JAM3: variants seen among roughly 807,000 people sequenced by gnomAD.
JAM3 encodes junctional adhesion molecule 3.
In JAM3, 31 loss-of-function variants were observed where a neutral mutation model predicts 39.4. That is an observed-to-expected ratio of 0.79 (90% confidence interval 0.59 to 1.06). JAM3 has a LOEUF of 1.06. Among genes scored for constraint, JAM3 ranks in the 50% least tolerant of loss-of-function variants. The pLI, the probability that JAM3 is intolerant of heterozygous loss-of-function variation, is 0.00. For synonymous variants in JAM3, 182 were observed against 148.7 expected (o/e 1.22, Z -1.63); for missense variants, 455 against 391.4 (o/e 1.16, Z -1.37).
At position 134,144,818 on chromosome 11, in the gene JAM3, G is replaced by T; in HGVS notation, c.436G>T (p.Val146Leu). The change falls in exon 5 of 9, where the codon GTG (valine) becomes TTG (leucine). Residue 146 changes from valine to leucine, a missense_variant. Physicochemically the swap from Val to Leu is conservative, Grantham distance 32 (BLOSUM62 1). Coordinates refer to ENST00000299106, the MANE Select transcript of JAM3 (RefSeq NM_032801.5). ...QVKPVTPVCRVPKAVPVGKMA... is the reference protein window; with the variant it reads ...QVKPVTPVCRLPKAVPVGKMA... ...GAAGCCAGTGACCCCTGTCTGTAGAGTGCCGAAGGCTGTACCAGTAGGCAA... is the reference window on the plus strand; with the variant it reads ...GAAGCCAGTGACCCCTGTCTGTAGATTGCCGAAGGCTGTACCAGTAGGCAA... The T allele has an allele frequency of 6.2e-7, 1 of 1,614,144 alleles. No homozygotes were observed. The highest frequency in any genetic ancestry group is 8.5e-7 in the Non-Finnish European group (1 of 1,180,016).
intron 1 of JAM3, among the ~76,000 whole-genome samples, chr11:134,092,041 CTCTT>C (rs1238973531): frequency 2.0e-5 from 3 of 152,088 alleles, no homozygotes; most frequent in Non-Finnish European, 4.4e-5. Context: ...AAGTATACTA[CTCTT>C]TTCATCCCCT....
chr11:134,101,424 G>T (rs1055694496), intron 1 of JAM3, among the ~76,000 whole-genome samples: 22 of 152,198 alleles, frequency 1.4e-4, no homozygotes, highest in Non-Finnish European at 2.6e-4. Context: ...AAAGAAGTGA[G>T]ATGAGAACTG....
intron 1 of JAM3, among the ~76,000 whole-genome samples, chr11:134,103,877 A>G (rs1942127729): frequency 6.6e-6 from 1 of 152,222 alleles, no homozygotes; most frequent in Non-Finnish European, 1.5e-5. Flanking sequence ...TTAGGGACCT[A>G]CAAAGAGACT....
rs142506025 is a variant in JAM3, at chr11:134,111,070, G to C, written c.77-28781G>C. On this transcript the variant is annotated intron_variant, in intron 1 of 8. Transcript: ENST00000299106. ...ATATGAATCCTTGAATTAATTCTTTGTTCTCACTCTACCTTTCCTATGTCT... is the reference window on the plus strand; with the variant it reads ...ATATGAATCCTTGAATTAATTCTTTCTTCTCACTCTACCTTTCCTATGTCT... Among the ~76,000 whole-genome samples the C allele has an allele frequency of 3.1e-4, 43 of 139,736 alleles. No homozygotes were observed. In the East Asian group the frequency reaches 6.9e-3, roughly 22 times the overall value. The allele number at this position is 139,736 out of a possible 152,430, so 91.7% of individuals were successfully genotyped here.
intron 1 of JAM3, among the ~76,000 whole-genome samples, chr11:134,074,945 C>T (rs562960086): frequency 3.3e-5 from 5 of 151,222 alleles, no homozygotes; most frequent in African/African-American, 9.7e-5. Flanking sequence ...AGTGCAGCTG[C>T]CTGGAAGCTT....
intron 1 of JAM3, among the ~76,000 whole-genome samples, chr11:134,100,023 CT>C (rs1255227530): frequency 6.6e-6 from 1 of 152,196 alleles, no homozygotes; most frequent in Non-Finnish European, 1.5e-5. Context: ...TCACTTCTGA[CT>C]TTAATGTTAG....
rs957884837 is a variant in JAM3 at position 134,149,631 on chromosome 11, C to G, written c.*450C>G. 2.2e-6 allele frequency: 1 copy of G among 460,546 alleles called. No individual in the cohort carries two copies. Among genetic ancestry groups the G allele is most frequent in the Admixed American group, 2.3e-5 (1 of 42,676 alleles). 28.5% of individuals were successfully genotyped at this position (460,546 alleles called of 1,614,324 possible). ...CATCCCGGCGGGAACCCAGAAAAGGCTTCTTACACAGCAGCCTTACTTCAT... is the reference window on the plus strand; with the variant it reads ...CATCCCGGCGGGAACCCAGAAAAGGGTTCTTACACAGCAGCCTTACTTCAT... On this transcript the variant is annotated 3_prime_UTR_variant, in exon 9 of 9. Transcript: ENST00000299106.
chr11:134,119,902 C>G (rs1555117178), intron 1 of JAM3, among the ~76,000 whole-genome samples: 1 of 152,130 alleles, frequency 6.6e-6, no homozygotes, highest in Non-Finnish European at 1.5e-5. Flanking sequence ...TTTAGTTAAG[C>G]CAGGTCACAA....
chr11:134,113,956 T>C (rs1942370644), intron 1 of JAM3, among the ~76,000 whole-genome samples: 1 of 152,224 alleles, frequency 6.6e-6, no homozygotes, highest in Admixed American at 6.5e-5. Flanking sequence ...ATGATGAGCA[T>C]TTCTTCATGT....
At chr11:134,104,390 C>T (rs1437489656) in intron 1 of JAM3, among the ~76,000 whole-genome samples, 5 of 151,984 alleles carry the variant, frequency 3.3e-5, no homozygotes, top group African/African-American at 1.2e-4. Flanking sequence ...CACTAAATGC[C>T]CACAAGAGAA....
rs1429540844 is a variant in JAM3, at chr11:134,151,544, G to A, written c.*2363G>A. ...GTAGAGAGAAGTGAAAGTAGAGTCT[G>A]GGAAGTAGCTGCCTATAACTGAGAC... On this transcript the variant is annotated 3_prime_UTR_variant, in exon 9 of 9. Coordinates refer to ENST00000299106, the MANE Select transcript of JAM3 (RefSeq NM_032801.5). 2.6e-5 allele frequency: 4 copies of A among 152,210 alleles called. No individual in the cohort carries two copies. The highest frequency in any genetic ancestry group is 7.2e-5 in the African/African-American group (3 of 41,444). 9.4% of individuals were successfully genotyped at this position (152,210 alleles called of 1,614,324 possible).
chr11:134,075,734 CT>C (rs1327196717), intron 1 of JAM3, among the ~76,000 whole-genome samples: 1 of 152,108 alleles, frequency 6.6e-6, no homozygotes, highest in African/African-American at 2.4e-5. Context: ...CCCTGAATTT[CT>C]TTTCAGTTAT....
intron 1 of JAM3, among the ~76,000 whole-genome samples, chr11:134,133,161 A>C (rs1398717123): frequency 6.6e-6 from 1 of 152,080 alleles, no homozygotes; most frequent in Non-Finnish European, 1.5e-5. Context: ...GCCTTGGTGA[A>C]CTCATTTATT....
intron 1 of JAM3, among the ~76,000 whole-genome samples, chr11:134,107,415 G>A (rs1942214298): frequency 6.6e-6 from 1 of 151,888 alleles, no homozygotes; most frequent in African/African-American, 2.4e-5. Flanking sequence ...ACACCAACAT[G>A]GCACATGTAT....
rs530214483 is a variant in JAM3 at position 134,126,092 on chromosome 11, C to T, written c.77-13759C>T. On this transcript the variant is annotated intron_variant, in intron 1 of 8. Transcript: ENST00000299106. ...GTGTTCTGTATAGCTGGTAGGTTTT[C>T]CTGCGACATCCCTTCCCTGTCCCAC... Among the ~76,000 whole-genome samples, 11 of 152,264 alleles carry T rather than the reference C, an allele frequency of 7.2e-5. No homozygotes were observed. In the South Asian group the frequency reaches 1.5e-3, roughly 20 times the overall value.
rs61154361 is a variant in JAM3 at position 134,080,872 on chromosome 11, G to A, written c.76+11713G>A. 6.7e-3 allele frequency among the ~76,000 whole-genome samples: 1,013 copies of A among 152,256 alleles called. 13 individuals are homozygous for A. Among genetic ancestry groups the A allele is most frequent in the African/African-American group, 0.023 (975 of 41,542 alleles). ...GAAAATGTGGGAAAGTTTGGAACTC[G>A]GTAGAGACTTGTTGAATGGTTTTTA... is the stretch of plus-strand genomic sequence containing the variant. On this transcript the variant is annotated intron_variant, in intron 1 of 8. Coordinates refer to ENST00000299106, the MANE Select transcript of JAM3 (RefSeq NM_032801.5).
In JAM3 at chr11:134,098,924, C is replaced by T. The variant is rs1942029179; in HGVS notation, c.76+29765C>T. 2.0e-5 allele frequency among the ~76,000 whole-genome samples: 3 copies of T among 152,132 alleles called. 1 individual carries two copies. The highest frequency in any genetic ancestry group is 4.4e-5 in the Non-Finnish European group (3 of 68,032). On this transcript the variant is annotated intron_variant, in intron 1 of 8. Coordinates refer to ENST00000299106, the MANE Select transcript of JAM3 (RefSeq NM_032801.5). ...TCATTTAAATGCAACTAGGGAGAGG[C>T]GTGGTGGCTCACCACCTGTAGTCCC...
Position 134,128,497 on chromosome 11 carries a change from CAAG to C in JAM3, c.77-11353_77-11351del, listed in dbSNP as rs1467808124. On this transcript the variant is annotated intron_variant, in intron 1 of 8. Transcript: ENST00000299106. ...ATCTCAAATTGTAATCTCCATGTGT[CAAG>C]GAGGGGGCCCTGGTGGACGTGATTG... Among the ~76,000 whole-genome samples the C allele has an allele frequency of 2.8e-4, 43 of 152,158 alleles. 1 individual carries two copies.
intron 1 of JAM3, among the ~76,000 whole-genome samples, chr11:134,100,354 G>A (rs1043599048): frequency 6.6e-6 from 1 of 152,168 alleles, no homozygotes; most frequent in South Asian, 2.1e-4. Flanking sequence ...TTCTTGCTGA[G>A]GAGGAGGTGT....
Sources: allele counts gnomAD v4.1 joint callset (sites outside exome capture counted in the v4.1 genomes callset), GRCh38; gene constraint gnomAD v4.1.1; transcripts MANE v1.5; gene names NCBI Gene and HGNC (gene_info 2026-07-23, HGNC 2026-07-21).